SOS2: variants seen among roughly 807,000 people sequenced by gnomAD.
The protein encoded by SOS2 is son of sevenless homolog 2.
In SOS2, 65 loss-of-function variants were observed where a neutral mutation model predicts 148.2. The observed-to-expected ratio is 0.44, with a 90% CI of 0.36 to 0.54. The LOEUF (loss-of-function observed/expected upper bound fraction) is 0.54, where lower values mean the gene tolerates loss of function less well. Ranked by LOEUF, SOS2 falls within the 20% of genes least tolerant of loss-of-function variation. SOS2 has a pLI of 0.00. For synonymous variants in SOS2, 539 were observed against 537.1 expected (o/e 1.00, Z -0.05); for missense variants, 1,341 against 1,590.2 (o/e 0.84, Z 2.67).
At position 50,188,670 on chromosome 14, in the gene SOS2, T is replaced by G. The variant is rs776470985; in HGVS notation, c.541A>C (p.Ile181Leu). 3 of 1,607,560 alleles carry G rather than the reference T, an allele frequency of 1.9e-6. No individual in the cohort carries two copies. Among genetic ancestry groups the G allele is most frequent in the Non-Finnish European group, 2.5e-6 (3 of 1,177,570 alleles). Residue 181 changes from isoleucine to leucine, a missense_variant, in exon 5 of 23, where the codon ATA becomes CTA. By Grantham distance (5) the Ile-to-Leu change is conservative. Around this residue, in one of 4 missense-constraint regions of SOS2, gnomAD observed 574 missense variants for 711.1 expected, o/e 0.81. Coordinates refer to ENST00000216373, the MANE Select transcript of SOS2 (RefSeq NM_006939.4). ...VLMDMFDQDD[I>L]GLVSLCEDEP... ...TCTTCACAGAGAGAAACCAAACCTA[T>G]GTCATCCTGATCAAACATGTCCATC...
At position 50,201,222 on chromosome 14, in the gene SOS2, A is replaced by T. The variant is rs1056340730; in HGVS notation, c.214-138T>A. ...CAATACATTCTGATTCCTGTAATAA[A>T]TAAATTTTTTGGCTTAAAAAAAAGG... On this transcript the variant is annotated intron_variant, in intron 2 of 22. Transcript: ENST00000216373. 35 of 837,596 alleles carry T rather than the reference A, an allele frequency of 4.2e-5. No individual in the cohort carries two copies. The African/African-American group carries it at 5.7e-4, about 14-fold the overall frequency. The allele number at this position is 837,596 out of a possible 1,614,324, so 51.9% of individuals were successfully genotyped here.
At chr14:50,182,237 G>C (rs900090814) in intron 6 of SOS2, among the ~76,000 whole-genome samples, 1 of 152,028 alleles carries the variant, frequency 6.6e-6, no homozygotes, top group African/African-American at 2.4e-5. Flanking sequence ...GTCTCACTCT[G>C]TCGCCCAGGA....
rs182735370 is a variant in SOS2 at position 50,230,000 on chromosome 14, A to T, written c.87+1197T>A. 2.0e-3 allele frequency among the ~76,000 whole-genome samples: 310 copies of T among 152,358 alleles called. 5 individuals are homozygous for T. The highest frequency in any genetic ancestry group is 9.7e-4 in the Non-Finnish European group (66 of 68,034). ...TTAATACTTTAGCACTTGGTATACC[A>T]ATGGAATAACTGTCTAGCTGCCACT... is the stretch of plus-strand genomic sequence containing the variant. On this transcript the variant is annotated intron_variant, in intron 1 of 22. Coordinates refer to ENST00000216373, the MANE Select transcript of SOS2 (RefSeq NM_006939.4).
At chr14:50,220,405 C>CAAAAAAAAAAAAAA (rs367829144) in intron 1 of SOS2, among the ~76,000 whole-genome samples, 859 of 30,328 alleles carry the variant, frequency 0.028, 254 homozygotes, top group African/African-American at 0.058. Flanking sequence ...GACTCCATCT[C>CAAAAAAAAAAAAAA]AAAAAAAAAA....
chr14:50,214,313 TA>T (rs764391879), intron 1 of SOS2, among the ~76,000 whole-genome samples: 6,076 of 143,910 alleles, frequency 0.042, 145 homozygotes, highest in Non-Finnish European at 0.063. Flanking sequence ...GGACCAATAA[TA>T]AAAAAAAAAA....
chr14:50,162,896 GATTT>G (rs1885055884), intron 8 of SOS2, among the ~76,000 whole-genome samples: 2 of 139,850 alleles, frequency 1.4e-5, no homozygotes, highest in Non-Finnish European at 1.5e-5. Flanking sequence ...CCAATGTTTT[GATTT>G]TTTTTTTTTT....
At position 50,117,673 on chromosome 14, in the gene SOS2, A is replaced by G. The variant is rs1440931476; in HGVS notation, c.*671T>C. 1 of 152,272 alleles carries G rather than the reference A, an allele frequency of 6.6e-6. No homozygotes were observed. The highest frequency in any genetic ancestry group is 1.5e-5 in the Non-Finnish European group (1 of 68,056). The allele number at this position is 152,272 out of a possible 1,614,324, so 9.4% of individuals were successfully genotyped here. A position where few individuals can be genotyped will look rare whatever the true frequency, so the allele number is the denominator to read the frequency against. ...AAGACGTCATAGTCTGCAAAAACAA[A>G]AGGCACATCTGAATGAGATACATGC... On this transcript the variant is annotated 3_prime_UTR_variant, in exon 23 of 23. Coordinates refer to ENST00000216373, the MANE Select transcript of SOS2 (RefSeq NM_006939.4).
chr14:50,122,594 A>C (rs1883553182), intron 21 of SOS2, among the ~76,000 whole-genome samples: 1 of 152,056 alleles, frequency 6.6e-6, no homozygotes. Flanking sequence ...ACACTCATGG[A>C]AGCAGATGAT....
intron 8 of SOS2, among the ~76,000 whole-genome samples, chr14:50,165,552 T>G (rs1885139122): frequency 6.6e-6 from 1 of 152,232 alleles, no homozygotes. Flanking sequence ...CCTGCTTCAT[T>G]GATCTCATAG....
chr14:50,182,855 T>C (rs1885786686), intron 5 of SOS2, among the ~76,000 whole-genome samples: 1 of 152,226 alleles, frequency 6.6e-6, no homozygotes, highest in African/African-American at 2.4e-5. Flanking sequence ...ACTTTGGGGC[T>C]TACCTGCCCT....
At position 50,201,083 on chromosome 14, in the gene SOS2, T is replaced by C; in HGVS notation, c.215A>G (p.Glu72Gly). 1 of 1,613,622 alleles carries C rather than the reference T, an allele frequency of 6.2e-7. No individual in the cohort carries two copies. Among genetic ancestry groups the C allele is most frequent in the Non-Finnish European group, 8.5e-7 (1 of 1,179,694 alleles). The change falls in exon 3 of 23, where the codon GAG (glutamate) becomes GGG (glycine). Residue 72 changes from glutamate to glycine, a missense_variant and splice_region_variant. Physicochemically the swap from Glu to Gly is moderately conservative, Grantham distance 98. Transcript: ENST00000216373. ...AQPRTVQDVE[E>G]RVQKTFPHPI... is the part of the protein sequence containing the mutation. ...GTGAGGAAAGGTCTTCTGAACTCGC[T>C]CCTGCTCAATCACAGCAGAACCATT...
chr14:50,164,140 T>C (rs550641744), intron 8 of SOS2, among the ~76,000 whole-genome samples: 1 of 152,240 alleles, frequency 6.6e-6, no homozygotes, highest in South Asian at 2.1e-4. Context: ...GTTCCAAACA[T>C]CTTACACAGA....
chr14:50,185,629 T>C (rs1885884138), intron 5 of SOS2, among the ~76,000 whole-genome samples: 1 of 150,238 alleles, frequency 6.7e-6, no homozygotes, highest in South Asian at 2.1e-4. Context: ...GAGGTAGAGG[T>C]TGCAGTGAGC....
At chr14:50,224,308 T>A (rs60082807) in intron 1 of SOS2, among the ~76,000 whole-genome samples, 5,405 of 68,476 alleles carry the variant, frequency 0.079, 342 homozygotes, top group Admixed American at 0.12. Context: ...AAAAAAAATA[T>A]ATATATACAC....
Position 50,191,937 on chromosome 14 carries a change from G to A in SOS2, c.511-3237C>T, listed in dbSNP as rs367560388. 3.9e-5 allele frequency among the ~76,000 whole-genome samples: 6 copies of A among 151,990 alleles called. No individual in the cohort carries two copies. The East Asian group carries it at 1.2e-3, about 29-fold the overall frequency. ...GTCTGAAACTGGGAGGATTGCTTGAGCCCAGGAGTTCAAGACCAGCCTGGG... is the reference window on the plus strand; with the variant it reads ...GTCTGAAACTGGGAGGATTGCTTGAACCCAGGAGTTCAAGACCAGCCTGGG... On this transcript the variant is annotated intron_variant, in intron 4 of 22. Transcript: ENST00000216373.
At chr14:50,201,185 A>G in intron 2 of SOS2, 101 bp from the exon 3 acceptor site, 3 of 1,084,482 alleles carry the variant, frequency 2.8e-6, no homozygotes, top group Non-Finnish European at 4.1e-6. Context: ...ATGCTAGCAG[A>G]TAATAGTGAC....
At chr14:50,139,277 CAAT>C (rs1884186060) in intron 17 of SOS2, among the ~76,000 whole-genome samples, 1 of 145,168 alleles carries the variant, frequency 6.9e-6, no homozygotes, top group South Asian at 2.2e-4. Context: ...CATTCATGAA[CAAT>C]AAAAAAGTTT....
At chr14:50,155,051 A>G (rs897885858) in intron 12 of SOS2, among the ~76,000 whole-genome samples, 1 of 152,176 alleles carries the variant, frequency 6.6e-6, no homozygotes, top group Admixed American at 6.5e-5. Flanking sequence ...GTACTTCAAA[A>G]TTCATACAAA....
chr14:50,159,735 G>T lies in SOS2; in HGVS notation c.1548C>A (p.Ser516=). 6.2e-7 allele frequency: 1 copy of T among 1,613,152 alleles called. No individual in the cohort carries two copies. The highest frequency in any genetic ancestry group is 8.5e-7 in the Non-Finnish European group (1 of 1,179,628). ...CAAATATTATGCTGTTCTCATCTTT[G>T]GATACTAATTCAAATGCATGCTTGT... The part of the protein sequence containing the change: ...CEHKHAFELV[S]KDENSIIFAA... Residue 516 remains serine (S), a synonymous_variant, in exon 10 of 23, where the codon TCC becomes TCA. Transcript: ENST00000216373.
Sources: gnomAD v4.1 joint callset for allele counts (sites outside exome capture counted in the v4.1 genomes callset) on GRCh38, gnomAD v4.1.1 for gene constraint, gnomAD v4.1.1 regional missense constraint, MANE v1.5 for transcripts, NCBI Gene and HGNC (gene_info 2026-07-23, HGNC 2026-07-21) for gene names.